FMO1: variants seen among roughly 807,000 people sequenced by gnomAD.
The protein encoded by FMO1 is flavin containing dimethylaniline monoxygenase 1.
A neutral mutation model predicts 45.4 loss-of-function variants in FMO1; 36 were observed. That is an observed-to-expected ratio of 0.79 (90% CI 0.61 to 1.05). FMO1 has a LOEUF of 1.05. FMO1 is among the 50% of genes least tolerant of loss of function. The pLI, the probability that FMO1 is intolerant of heterozygous loss-of-function variation, is 0.00. For synonymous variants in FMO1, 228 were observed against 227.2 expected, an observed-to-expected ratio of 1.00 and a Z score of -0.03; for missense variants, 615 against 640.3, an observed-to-expected ratio of 0.96 and a Z score of 0.43.
intron 3 of FMO1, among the ~76,000 whole-genome samples, chr1:171,275,106 G>C (rs1315856850): frequency 6.6e-6 from 1 of 152,200 alleles, no homozygotes; most frequent in Non-Finnish European, 1.5e-5. Context: ...GTGAGAATTT[G>C]AGCAAATCAC....
At chr1:171,261,330 C>G (rs1660370391) in intron 2 of FMO1, among the ~76,000 whole-genome samples, 1 of 151,970 alleles carries the variant, frequency 6.6e-6, no homozygotes, top group South Asian at 2.1e-4. Flanking sequence ...GGCACACACA[C>G]ACACACACAC....
intron 1 of FMO1, among the ~76,000 whole-genome samples, chr1:171,250,578 C>T (rs541736334): frequency 6.6e-6 from 1 of 152,232 alleles, no homozygotes; most frequent in South Asian, 2.1e-4. Flanking sequence ...TTACAACTTT[C>T]AAGAAGAGGA....
chr1:171,253,285 G>C (rs559698619), intron 1 of FMO1, among the ~76,000 whole-genome samples: 15 of 152,070 alleles, frequency 9.9e-5, no homozygotes, highest in African/African-American at 3.6e-4. Flanking sequence ...CAGATATACT[G>C]TGACTTTGTC....
chr1:171,258,645 C>G (rs1331759292), intron 2 of FMO1, among the ~76,000 whole-genome samples: 1 of 152,204 alleles, frequency 6.6e-6, no homozygotes, highest in Non-Finnish European at 1.5e-5. Context: ...CCCAGCCTGG[C>G]TCCGTCTGCA....
At chr1:171,253,575 G>A (rs751070113) in intron 1 of FMO1, among the ~76,000 whole-genome samples, 28 of 152,026 alleles carry the variant, frequency 1.8e-4, no homozygotes, top group Non-Finnish European at 3.1e-4. Flanking sequence ...CAGCCTAACC[G>A]ACATGGAGAA....
Position 171,278,719 on chromosome 1 carries a change from T to C in FMO1, c.485-10T>C, listed in dbSNP as rs28360407. ...AATTCTCTGTGTGACTTCTCTTTTA[T>C]TTTCTATAGGTATTAATGCCTTTAA... On this transcript the variant is annotated splice_polypyrimidine_tract_variant and intron_variant, in intron 4 of 8. Coordinates refer to ENST00000617670, the MANE Select transcript of FMO1 (RefSeq NM_001282693.2). 1.2e-3 allele frequency: 1,939 copies of C among 1,556,348 alleles called. 24 individuals are homozygous for C. In the African/African-American group the frequency reaches 0.02, roughly 16 times the overall value.
At chr1:171,269,841 AAT>A (rs1381691993) in intron 3 of FMO1, among the ~76,000 whole-genome samples, 2 of 152,216 alleles carry the variant, frequency 1.3e-5, no homozygotes, top group Non-Finnish European at 2.9e-5. Context: ...AATATAGGAA[AAT>A]ATACGCTATT....
At position 171,285,361 on chromosome 1, in the gene FMO1, G is replaced by C. The variant is rs755999442; in HGVS notation, c.1416G>C (p.Gln472His). 1 of 1,613,954 alleles carries C rather than the reference G, an allele frequency of 6.2e-7. No individual in the cohort carries two copies. Among genetic ancestry groups the C allele is most frequent in the Non-Finnish European group, 8.5e-7 (1 of 1,179,942 alleles). Residue 472 changes from glutamine to histidine, a missense_variant, in exon 9 of 9, where the codon CAG becomes CAC. Transcript: ENST00000617670. ...TCTTTGGCCCATGCTCACCATACCA[G>C]TTCCGCTTGACTGGCCCAGGAAAAT... ...TVFFGPCSPYQFRLTGPGKWE... is the reference protein window; with the variant it reads ...TVFFGPCSPYHFRLTGPGKWE...
At chr1:171,267,197 C>T (rs1017572107) in intron 2 of FMO1, among the ~76,000 whole-genome samples, 5 of 152,122 alleles carry the variant, frequency 3.3e-5, no homozygotes, top group South Asian at 2.1e-4. Context: ...TTTTGTAGAA[C>T]GAGAGTTATC....
At chr1:171,264,873 T>C (rs1660544731) in intron 2 of FMO1, among the ~76,000 whole-genome samples, 1 of 151,796 alleles carries the variant, frequency 6.6e-6, no homozygotes, top group Non-Finnish European at 1.5e-5. Context: ...CACTCCTTCC[T>C]GGGCGACAGA....
At position 171,284,123 on chromosome 1, in the gene FMO1, A is replaced by T. The variant is rs140537929; in HGVS notation, c.1256+907A>T. 4.2e-4 allele frequency among the ~76,000 whole-genome samples: 63 copies of T among 150,286 alleles called. 2 individuals are homozygous for T. The East Asian group carries it at 0.01, about 24-fold the overall frequency. On this transcript the variant is annotated intron_variant, in intron 8 of 8. Transcript: ENST00000617670. ...TAAAACCACTTTGTTTTATCTGTTC[A>T]TCTGTTTCTGCGTTTGATATACATT...
intron 2 of FMO1, among the ~76,000 whole-genome samples, chr1:171,262,802 T>A (rs745786560): frequency 4.6e-5 from 7 of 152,298 alleles, no homozygotes; most frequent in Non-Finnish European, 7.3e-5. Flanking sequence ...TCTTGGAGGT[T>A]CCCCAAATTT....
intron 3 of FMO1, among the ~76,000 whole-genome samples, chr1:171,274,999 A>C (rs577713039): frequency 3.3e-4 from 50 of 152,362 alleles, no homozygotes; most frequent in African/African-American, 1.2e-3. Context: ...AATTTTTGTT[A>C]AAGAGACAGC....
At chr1:171,283,016 G>T (rs1661428647) in intron 7 of FMO1, 128 bp from the exon 8 acceptor site, 2 of 635,688 alleles carry the variant, frequency 3.1e-6, no homozygotes, top group Admixed American at 6.3e-5. Flanking sequence ...TAACATTTTT[G>T]CCAGAAGGAT....
intron 1 of FMO1, among the ~76,000 whole-genome samples, chr1:171,256,845 G>A (rs1231942093): frequency 1.3e-5 from 2 of 152,094 alleles, no homozygotes; most frequent in East Asian, 1.9e-4. Context: ...TTATGTCTTT[G>A]GGGGCACTGC....
chr1:171,255,967 T>C (rs1304658312), intron 1 of FMO1, among the ~76,000 whole-genome samples: 1 of 152,176 alleles, frequency 6.6e-6, no homozygotes, highest in East Asian at 1.9e-4. Context: ...ATGGCTACTA[T>C]GTCATACAAA....
chr1:171,278,998 G>A, intron 5 of FMO1, 127 bp downstream of exon 5: 1 of 740,856 alleles, frequency 1.3e-6, no homozygotes, highest in Non-Finnish European at 1.9e-6. Flanking sequence ...AGATTACTAA[G>A]GAATTTAATT....
chr1:171,252,733 G>A (rs1263374778), intron 1 of FMO1, among the ~76,000 whole-genome samples: 1 of 152,274 alleles, frequency 6.6e-6, no homozygotes, highest in Middle Eastern at 3.4e-3. Context: ...CCACACATCT[G>A]GTGCAGCCTT....
intron 1 of FMO1, among the ~76,000 whole-genome samples, chr1:171,248,943 G>T (rs1659751402): frequency 6.9e-6 from 1 of 145,288 alleles, no homozygotes; most frequent in Admixed American, 6.9e-5. Context: ...GGAAAAACTT[G>T]GATTTCTAAT....
Sources: allele counts gnomAD v4.1 joint callset (sites outside exome capture counted in the v4.1 genomes callset), GRCh38; gene constraint gnomAD v4.1.1; transcripts MANE v1.5; gene names NCBI Gene and HGNC (gene_info 2026-07-23, HGNC 2026-07-21).